DPP10: variants seen among roughly 807,000 people sequenced by gnomAD.
The protein encoded by DPP10 is inactive dipeptidyl peptidase 10.
DPP10 carries 33 observed loss-of-function variants against 120.9 expected under a neutral mutation model. That is an observed-to-expected ratio of 0.27 (90% CI 0.21 to 0.37). The LOEUF (loss-of-function observed/expected upper bound fraction) is 0.37. Ranked by LOEUF, DPP10 falls within the 10% of genes least tolerant of loss-of-function variation. DPP10 has a pLI of 1.00. For synonymous variants in DPP10, 337 were observed against 326.1 expected (o/e 1.03, Z -0.36); for missense variants, 816 against 942.8 (o/e 0.87, Z 1.76).
chr2:115,718,034 A>C (rs561437898), intron 7 of DPP10, among the ~76,000 whole-genome samples: 1 of 152,308 alleles, frequency 6.6e-6, no homozygotes, highest in African/African-American at 2.4e-5. Flanking sequence ...GGTAGCCGGT[A>C]TAGAGAAAAT....
chr2:114,856,573 T>G lies in DPP10; in HGVS notation c.60+413735T>G, dbSNP rs1003757142. ...ATAGCAATGAAAAAGCATAAAGTAC[T>G]GCTTGTGCTATAGATTTCACAAGTA... On this transcript the variant is annotated intron_variant, in intron 1 of 25. Transcript: ENST00000410059. 2.6e-5 allele frequency among the ~76,000 whole-genome samples: 4 copies of G among 152,224 alleles called. No homozygotes were observed. In the East Asian group the frequency reaches 7.7e-4, roughly 29 times the overall value.
intron 1 of DPP10, among the ~76,000 whole-genome samples, chr2:114,507,529 A>G (rs1310354527): frequency 6.6e-6 from 1 of 152,194 alleles, no homozygotes; most frequent in African/African-American, 2.4e-5. Flanking sequence ...CATGATTCAT[A>G]TATTGGCTTA....
intron 5 of DPP10, among the ~76,000 whole-genome samples, chr2:115,684,340 C>A (rs1258564150): frequency 6.6e-6 from 1 of 151,762 alleles, no homozygotes; most frequent in Non-Finnish European, 1.5e-5. Flanking sequence ...GAAGATAAAT[C>A]TTTTGAAACG....
chr2:115,104,488 A>G (rs1018920667), intron 1 of DPP10, among the ~76,000 whole-genome samples: 2 of 152,200 alleles, frequency 1.3e-5, no homozygotes, highest in African/African-American at 4.8e-5. Context: ...ATTTATATAT[A>G]GGCAGTAGCA....
intron 5 of DPP10, among the ~76,000 whole-genome samples, chr2:115,568,557 T>TTA (rs2081156510): frequency 6.6e-6 from 1 of 151,736 alleles, no homozygotes; most frequent in African/African-American, 2.4e-5. Context: ...GTTGATCTTT[T>TTA]TTTTTTTGTA....
chr2:114,526,849 G>T (rs1161803385), intron 1 of DPP10, among the ~76,000 whole-genome samples: 1 of 152,108 alleles, frequency 6.6e-6, no homozygotes, highest in African/African-American at 2.4e-5. Flanking sequence ...ATATAAATTA[G>T]GGTGGGGGAT....
At chr2:115,764,337 T>G (rs541130847) in intron 12 of DPP10, among the ~76,000 whole-genome samples, 1 of 152,236 alleles carries the variant, frequency 6.6e-6, no homozygotes, top group South Asian at 2.1e-4. Flanking sequence ...GATAAATGTT[T>G]GTATATATAT....
rs934280286 is a variant in DPP10 at position 114,638,388 on chromosome 2, T to A, written c.60+195550T>A. 3.8e-4 allele frequency among the ~76,000 whole-genome samples: 57 copies of A among 151,680 alleles called. 3 individuals are homozygous for A. Among genetic ancestry groups the A allele is most frequent in the African/African-American group, 1.2e-3 (51 of 41,044 alleles). ...AGAAAATATTTGCAAACCATACATC[T>A]AACGAAGGACTAAAATCCAGAATCT... On this transcript the variant is annotated intron_variant, in intron 1 of 25. Coordinates refer to ENST00000410059, the MANE Select transcript of DPP10 (RefSeq NM_020868.6).
intron 1 of DPP10, among the ~76,000 whole-genome samples, chr2:114,981,546 G>A (rs867056048): frequency 2.0e-5 from 3 of 152,092 alleles, no homozygotes; most frequent in Non-Finnish European, 1.5e-5. Context: ...CTGGGAATTC[G>A]GACTGAGTGG....
intron 1 of DPP10, among the ~76,000 whole-genome samples, chr2:114,642,953 T>C (rs990484472): frequency 6.6e-6 from 1 of 151,946 alleles, no homozygotes; most frequent in Non-Finnish European, 1.5e-5. Context: ...GGTCCATTGG[T>C]CACTGGGACA....
Position 115,480,352 on chromosome 2 carries a change from T to C in DPP10, c.272-19158T>C, listed in dbSNP as rs140915842. Among the ~76,000 whole-genome samples the C allele has an allele frequency of 3.3e-5, 5 of 152,298 alleles. No individual in the cohort carries two copies. The East Asian group carries it at 9.7e-4, about 29-fold the overall frequency. Reference sequence around the variant, plus strand: ...GTTAAGAAATGGCCCTTTCTTTTAATGTACTGCATAACTGAATTTTTTTCT... The same window carrying C: ...GTTAAGAAATGGCCCTTTCTTTTAACGTACTGCATAACTGAATTTTTTTCT... On this transcript the variant is annotated intron_variant, in intron 3 of 25. Transcript: ENST00000410059.
chr2:114,891,441 C>G (rs17789111), intron 1 of DPP10, among the ~76,000 whole-genome samples: 7,356 of 152,036 alleles, frequency 0.048, 257 homozygotes, highest in Admixed American at 0.067. Flanking sequence ...TGTTAAAGTA[C>G]GTAAAAAATG....
chr2:115,763,306 G>C (rs1680329083), intron 12 of DPP10, among the ~76,000 whole-genome samples: 1 of 151,818 alleles, frequency 6.6e-6, no homozygotes, highest in Admixed American at 6.6e-5. Flanking sequence ...CCCATATTTT[G>C]AGACCTTCAC....
rs940106685 is a variant in DPP10 at position 115,777,899 on chromosome 2, G to A, written c.1361+65G>A. The A allele has an allele frequency of 4.0e-6, 6 of 1,511,720 alleles. No homozygotes were observed. The African/African-American group carries it at 8.4e-5, about 21-fold the overall frequency. 93.6% of individuals were successfully genotyped at this position (1,511,720 alleles called of 1,614,324 possible). A position where few individuals can be genotyped will look rare whatever the true frequency, so the allele number is the denominator to read the frequency against. On this transcript the variant is annotated intron_variant, in intron 15 of 25. Coordinates refer to ENST00000410059, the MANE Select transcript of DPP10 (RefSeq NM_020868.6). ...CTCAATGGCTATCTATGTAGCATAA[G>A]GAAGGAAAGGAAAAATTTGAAATGT... is the stretch of plus-strand genomic sequence containing the variant.
chr2:114,742,746 T>C (rs2117851), intron 1 of DPP10, among the ~76,000 whole-genome samples: 124,364 of 152,208 alleles, frequency 0.82, 51,509 homozygotes, highest in African/African-American at 0.95. Flanking sequence ...GTTTAAGTGT[T>C]TTCTTATCCC....
intron 1 of DPP10, among the ~76,000 whole-genome samples, chr2:115,263,024 T>TA (rs2059319807): frequency 1.3e-5 from 2 of 152,220 alleles, no homozygotes; most frequent in Admixed American, 1.3e-4. Flanking sequence ...AATGAGACAA[T>TA]AAAATCTTAG....
intron 1 of DPP10, among the ~76,000 whole-genome samples, chr2:114,906,375 T>C (rs1043660072): frequency 6.7e-6 from 1 of 149,944 alleles, no homozygotes; most frequent in African/African-American, 2.5e-5. Flanking sequence ...CAGAGTGAGT[T>C]CTATCTCAAA....
rs929008539 is a variant in DPP10 at position 115,587,218 on chromosome 2, T to C, written c.441+61246T>C. Among the ~76,000 whole-genome samples, 7 of 150,278 alleles carry C rather than the reference T, an allele frequency of 4.7e-5. No individual in the cohort carries two copies. The East Asian group carries it at 1.0e-3, about 22-fold the overall frequency. On this transcript the variant is annotated intron_variant, in intron 5 of 25. Transcript: ENST00000410059. ...GTTCACGCCATTCTCCTGCCTCAGC[T>C]TCCCGAGTAGCTGGGACAACAGGCT...
intron 5 of DPP10, among the ~76,000 whole-genome samples, chr2:115,606,655 G>A (rs541846069): frequency 2.3e-4 from 35 of 152,244 alleles, no homozygotes; most frequent in Non-Finnish European, 4.3e-4. Flanking sequence ...AGGAAAGAGC[G>A]TTCATCTATT....
Sources: allele counts gnomAD v4.1 joint callset (sites outside exome capture counted in the v4.1 genomes callset), GRCh38; gene constraint gnomAD v4.1.1; transcripts MANE v1.5; gene names NCBI Gene and HGNC (gene_info 2026-07-23, HGNC 2026-07-21).